CHEK1: variants seen among roughly 807,000 people sequenced by gnomAD.
CHEK1 encodes serine/threonine-protein kinase Chk1.
CHEK1 carries 32 observed loss-of-function variants against 60.2 expected under a neutral mutation model. That is an observed-to-expected ratio of 0.53 (90% CI 0.40 to 0.71). The LOEUF (loss-of-function observed/expected upper bound fraction) is 0.71. Ranked by LOEUF, CHEK1 falls within the 30% of genes least tolerant of loss-of-function variation. CHEK1 has a pLI of 0.00. For synonymous variants in CHEK1, 179 were observed against 187.2 expected (o/e 0.96, Z 0.36); for missense variants, 399 against 564.6 (o/e 0.71, Z 2.97).
chr11:125,675,720 C>T (rs1942470267), intron 13 of CHEK1, among the ~76,000 whole-genome samples: 1 of 152,144 alleles, frequency 6.6e-6, no homozygotes. Context: ...TGACATTGTG[C>T]TAGGTCCCAG....
Position 125,644,523 on chromosome 11 carries a change from G to A in CHEK1, c.1113G>A (p.Gln371=), listed in dbSNP as rs1213465848. 4 of 1,613,882 alleles carry A rather than the reference G, an allele frequency of 2.5e-6. No individual in the cohort carries two copies. The highest frequency in any genetic ancestry group is 1.7e-5 in the Admixed American group (1 of 59,970). The change falls in exon 11 of 13, where the codon CAG becomes CAA. Residue 371 remains glutamine (Q), a synonymous_variant. Transcript: ENST00000438015. Reference sequence around the variant, plus strand: ...TGTTTGACATGTAGAACCCCTGGCAGCGGTTGGTCAAAAGAATGACACGAT... The same window carrying A: ...TGTTTGACATGTAGAACCCCTGGCAACGGTTGGTCAAAAGAATGACACGAT... ...GTPGSSQNPW[Q]RLVKRMTRFF...
Position 125,625,889 on chromosome 11 carries a change from G to C in CHEK1, c.-144G>C. The C allele has an allele frequency of 1.4e-6, 1 of 702,642 alleles. No homozygotes were observed. Among genetic ancestry groups the C allele is most frequent in the Non-Finnish European group, 2.6e-6 (1 of 385,010 alleles). The allele number at this position is 702,642 out of a possible 1,614,324, so 43.5% of individuals were successfully genotyped here. A position where few individuals can be genotyped will look rare whatever the true frequency, so the allele number is the denominator to read the frequency against. The stretch of plus-strand genomic sequence containing the variant: ...GCCGACATTCAGAGGGGCAGGACAC[G>C]GGAACGCGCGCTGTCTTGCTTTACG... On this transcript the variant is annotated 5_prime_UTR_variant, in exon 1 of 13. Coordinates refer to ENST00000438015, the MANE Select transcript of CHEK1 (RefSeq NM_001114122.3).
At chr11:125,666,575 A>G (rs1057320741) in intron 13 of CHEK1, among the ~76,000 whole-genome samples, 2 of 152,148 alleles carry the variant, frequency 1.3e-5, no homozygotes, top group Non-Finnish European at 1.5e-5. Flanking sequence ...TGATCCGTTC[A>G]CTGCCAAAGT....
At chr11:125,641,730 C>G (rs1398639311) in intron 8 of CHEK1, among the ~76,000 whole-genome samples, 2 of 152,030 alleles carry the variant, frequency 1.3e-5, no homozygotes, top group Non-Finnish European at 2.9e-5. Context: ...TACTTCACAT[C>G]CAGTACACCA....
In CHEK1 at chr11:125,644,560, T is replaced by C; in HGVS notation, c.1150T>C (p.Leu384=). The C allele has an allele frequency of 2.5e-6, 4 of 1,614,106 alleles. No homozygotes were observed. Among genetic ancestry groups the C allele is most frequent in the South Asian group, 1.1e-5 (1 of 91,070 alleles). ...AAGAATGACACGATTCTTTACCAAA[T>C]TGGATGCAGACAAATCTTATCAATG... ...VKRMTRFFTK[L]DADKSYQCLK... is the part of the protein sequence containing the mutation. The change falls in exon 11 of 13, where the codon TTG becomes CTG. Residue 384 remains leucine (L), a synonymous_variant. Coordinates refer to ENST00000438015, the MANE Select transcript of CHEK1 (RefSeq NM_001114122.3).
At chr11:125,642,526 T>TA (rs1320647298) in intron 8 of CHEK1, among the ~76,000 whole-genome samples, 2 of 151,940 alleles carry the variant, frequency 1.3e-5, no homozygotes, top group Non-Finnish European at 2.9e-5. Flanking sequence ...GATTAATAAA[T>TA]AAAAAGCAGG....
At chr11:125,676,199 C>T (rs902071027) in exon 14 of CHEK1, 10 of 952,006 alleles carry the variant, frequency 1.1e-5, no homozygotes, top group African/African-American at 1.6e-5. Flanking sequence ...TGAGCCACCT[C>T]GCCTGGCAAG....
intron 8 of CHEK1, among the ~76,000 whole-genome samples, chr11:125,641,484 C>T (rs972688805): frequency 1.3e-5 from 2 of 152,214 alleles, no homozygotes; most frequent in Admixed American, 1.3e-4. Context: ...ACATTTATAT[C>T]AACCTAGACC....
intron 1 of CHEK1, 151 bp downstream of exon 1, chr11:125,626,163 G>A (rs1940588565): frequency 3.3e-6 from 2 of 609,506 alleles, no homozygotes; most frequent in African/African-American, 3.7e-5. Context: ...TCGGAGGGTG[G>A]AGGAATGGTA....
chr11:125,627,979 G>A, intron 3 of CHEK1, 149 bp downstream of exon 3: 1 of 589,422 alleles, frequency 1.7e-6, no homozygotes, highest in Non-Finnish European at 2.9e-6. Context: ...TTTTCCACCT[G>A]GTGTTAATAA....
intron 5 of CHEK1, among the ~76,000 whole-genome samples, chr11:125,632,464 A>G (rs1940902416): frequency 6.6e-6 from 1 of 152,118 alleles, no homozygotes; most frequent in Non-Finnish European, 1.5e-5. Flanking sequence ...CCTTCATAAC[A>G]GTTTTCTATT....
intron 13 of CHEK1, among the ~76,000 whole-genome samples, chr11:125,673,098 CCT>C (rs1942283344): frequency 6.6e-6 from 1 of 151,556 alleles, no homozygotes; most frequent in African/African-American, 2.4e-5. Context: ...TATGCCGAAA[CCT>C]CTCTCAAAAG....
chr11:125,659,299 T>C (rs1203675632), downstream of CHEK1, among the ~76,000 whole-genome samples: 5 of 152,210 alleles, frequency 3.3e-5, no homozygotes, highest in Admixed American at 1.3e-4. Context: ...TCTCTTGCAG[T>C]TTATTGGTTG....
downstream of CHEK1, among the ~76,000 whole-genome samples, chr11:125,679,107 A>G (rs1259630518): frequency 2.7e-5 from 4 of 149,612 alleles, no homozygotes; most frequent in Non-Finnish European, 5.9e-5. Context: ...ACCATTGCCT[A>G]GTACTCAATT....
chr11:125,634,690 AT>A (rs1940998157), intron 6 of CHEK1, among the ~76,000 whole-genome samples: 1 of 152,064 alleles, frequency 6.6e-6, no homozygotes, highest in Non-Finnish European at 1.5e-5. Flanking sequence ...CACTAATACC[AT>A]TTTTTGAGTG....
downstream of CHEK1, among the ~76,000 whole-genome samples, chr11:125,660,856 A>C (rs368124845): frequency 3.3e-5 from 5 of 150,726 alleles, no homozygotes; most frequent in African/African-American, 4.9e-5. Context: ...GCTCACTGCA[A>C]CCTCCGCCTC....
intron 3 of CHEK1, among the ~76,000 whole-genome samples, chr11:125,628,821 A>G (rs1202400793): frequency 6.6e-6 from 1 of 152,170 alleles, no homozygotes; most frequent in Non-Finnish European, 1.5e-5. Flanking sequence ...AATCTGTAAA[A>G]TATTTAGTGA....
At position 125,629,308 on chromosome 11, in the gene CHEK1, T is replaced by C. The variant is rs1341036840; in HGVS notation, c.354+12T>C. 3.1e-6 allele frequency: 5 copies of C among 1,613,934 alleles called. No homozygotes were observed. The highest frequency in any genetic ancestry group is 1.3e-5 in the African/African-American group (1 of 74,926). On this transcript the variant is annotated intron_variant, in intron 4 of 12. Coordinates refer to ENST00000438015, the MANE Select transcript of CHEK1 (RefSeq NM_001114122.3). ...TCATGGCAGGGGTGGTAGGTATAGT[T>C]GTCTATTTCCCTTTTACTTAAAATT...
chr11:125,660,265 C>G (rs1941987972), downstream of CHEK1, among the ~76,000 whole-genome samples: 1 of 152,164 alleles, frequency 6.6e-6, no homozygotes, highest in Admixed American at 6.5e-5. Context: ...CTGTATATCT[C>G]CATGTAATTA....
Sources: allele counts gnomAD v4.1 joint callset (sites outside exome capture counted in the v4.1 genomes callset), GRCh38; gene constraint gnomAD v4.1.1; transcripts MANE v1.5; gene names NCBI Gene and HGNC (gene_info 2026-07-23, HGNC 2026-07-21).